The following CPQ variants were observed in gnomAD, a reference collection of about 807,000 sequenced individuals.
CPQ encodes the protein Ser-Met dipeptidase.
In CPQ, 37 loss-of-function variants were observed where a neutral mutation model predicts 45.7. The observed-to-expected ratio is 0.81, with a 90% CI of 0.62 to 1.07. The LOEUF is 1.07. Ranked by LOEUF, CPQ falls within the 50% of genes least tolerant of loss-of-function variation. CPQ has a pLI of 0.00. For missense variants in CPQ, 537 were observed against 572.9 expected (o/e 0.94, Z 0.64); for synonymous variants, 186 against 205.8 (o/e 0.90, Z 0.82).
chr8:97,068,484 T>C (rs1386516720), intron 7 of CPQ, among the ~76,000 whole-genome samples: 1 of 151,954 alleles, frequency 6.6e-6, no homozygotes, highest in Non-Finnish European at 1.5e-5. Flanking sequence ...AAATACAAAG[T>C]TAGCCGGATG....
chr8:96,898,049 A>G (rs1438817240), intron 4 of CPQ, among the ~76,000 whole-genome samples: 2 of 114,644 alleles, frequency 1.7e-5, no homozygotes, highest in Non-Finnish European at 4.0e-5. Flanking sequence ...AGGGCTTGAG[A>G]ACGTTGTTTT....
chr8:96,921,992 G>T (rs1347307778), intron 4 of CPQ, among the ~76,000 whole-genome samples: 1 of 152,110 alleles, frequency 6.6e-6, no homozygotes, highest in Non-Finnish European at 1.5e-5. Flanking sequence ...ATAAGTTCAT[G>T]TGTATTATAT....
At chr8:96,707,697 T>C (rs1023400590) in intron 1 of CPQ, among the ~76,000 whole-genome samples, 1 of 152,138 alleles carries the variant, frequency 6.6e-6, no homozygotes. Flanking sequence ...GAATGATTTT[T>C]TTTTTTGGCT....
chr8:97,050,670 C>T (rs1298340411), intron 6 of CPQ, among the ~76,000 whole-genome samples: 2 of 152,062 alleles, frequency 1.3e-5, no homozygotes, highest in Non-Finnish European at 2.9e-5. Context: ...TTGTGATCAG[C>T]CTGAGCAACG....
At position 97,090,538 on chromosome 8, in the gene CPQ, C is replaced by T. The variant is rs1586536328; in HGVS notation, c.1255+24328C>T. On this transcript the variant is annotated intron_variant, in intron 7 of 7. Transcript: ENST00000220763. ...CATTTCTATAAAGACATTGAGATAC[C>T]AGATTACATGTCATGTTTCTAAACC... Among the ~76,000 whole-genome samples, 4 of 152,142 alleles carry T rather than the reference C, an allele frequency of 2.6e-5. No individual in the cohort carries two copies. In the South Asian group the frequency reaches 8.3e-4, roughly 32 times the overall value.
At chr8:96,648,456 T>C (rs1397122992) in intron 1 of CPQ, among the ~76,000 whole-genome samples, 2 of 152,226 alleles carry the variant, frequency 1.3e-5, no homozygotes, top group African/African-American at 4.8e-5. Context: ...TTATTAGTTC[T>C]TTCTCTTTAT....
chr8:97,012,985 A>G (rs887247628), intron 5 of CPQ, among the ~76,000 whole-genome samples: 2 of 152,204 alleles, frequency 1.3e-5, no homozygotes, highest in African/African-American at 4.8e-5. Context: ...AAGAAATGCC[A>G]GTCCTATGTC....
chr8:96,965,476 TCTC>T (rs1489852963), intron 4 of CPQ, among the ~76,000 whole-genome samples: 1 of 150,910 alleles, frequency 6.6e-6, no homozygotes, highest in Admixed American at 6.6e-5. Context: ...TTCACACCAT[TCTC>T]CTGCCTCAGC....
At chr8:96,850,546 T>G (rs914358501) in intron 3 of CPQ, among the ~76,000 whole-genome samples, 3 of 151,856 alleles carry the variant, frequency 2.0e-5, no homozygotes, top group African/African-American at 7.3e-5. Flanking sequence ...GGCATTAAGG[T>G]GTTACACTGA....
In CPQ at chr8:96,931,729, A is replaced by G. The variant is rs143877765; in HGVS notation, c.850-34206A>G. Among the ~76,000 whole-genome samples, 112 of 152,262 alleles carry G rather than the reference A, an allele frequency of 7.4e-4. 1 individual carries two copies. The highest frequency in any genetic ancestry group is 2.6e-3 in the African/African-American group (110 of 41,574). On this transcript the variant is annotated intron_variant, in intron 4 of 7. Coordinates refer to ENST00000220763, the MANE Select transcript of CPQ (RefSeq NM_016134.4). ...TCTGAGTGTCTCAGACTTCGAGACT[A>G]TTGCTTTCTCCTCTGTTCCAATCTC...
intron 2 of CPQ, among the ~76,000 whole-genome samples, chr8:96,820,342 C>G (rs1445407173): frequency 6.6e-6 from 1 of 151,844 alleles, no homozygotes; most frequent in Non-Finnish European, 1.5e-5. Flanking sequence ...GATGGGGGCT[C>G]TTTTTCAAAA....
intron 5 of CPQ, among the ~76,000 whole-genome samples, chr8:96,995,220 G>T (rs980303861): frequency 6.6e-6 from 1 of 152,032 alleles, no homozygotes; most frequent in African/African-American, 2.4e-5. Context: ...ATACTTATAA[G>T]ATTGTTGTGA....
chr8:96,735,916 G>A (rs1408598713), intron 1 of CPQ, among the ~76,000 whole-genome samples: 2 of 151,830 alleles, frequency 1.3e-5, no homozygotes, highest in South Asian at 2.1e-4. Context: ...TCCCCTCTTC[G>A]CTGTCTTTCG....
intron 2 of CPQ, among the ~76,000 whole-genome samples, chr8:96,788,960 T>C (rs1810811733): frequency 6.6e-6 from 1 of 152,134 alleles, no homozygotes; most frequent in Non-Finnish European, 1.5e-5. Flanking sequence ...ACATTTAAAC[T>C]CCAGAACTTC....
chr8:97,128,157 A>C (rs1811878029), intron 7 of CPQ, among the ~76,000 whole-genome samples: 1 of 152,236 alleles, frequency 6.6e-6, no homozygotes, highest in Admixed American at 6.5e-5. Context: ...ACTGTTCTCT[A>C]GCTCTTTCCC....
intron 5 of CPQ, among the ~76,000 whole-genome samples, chr8:96,993,784 T>G (rs969194949): frequency 1.3e-5 from 2 of 152,156 alleles, no homozygotes; most frequent in Non-Finnish European, 2.9e-5. Flanking sequence ...TCAGGTATCA[T>G]AATTATGTAT....
At chr8:96,814,180 A>AT (rs570510500) in intron 2 of CPQ, among the ~76,000 whole-genome samples, 6 of 151,372 alleles carry the variant, frequency 4.0e-5, no homozygotes, top group African/African-American at 7.2e-5. Flanking sequence ...TTAGATTTTA[A>AT]TTTTTTTTTA....
At chr8:96,909,231 A>T (rs190481384) in intron 4 of CPQ, among the ~76,000 whole-genome samples, 17 of 151,998 alleles carry the variant, frequency 1.1e-4, no homozygotes, top group African/African-American at 4.1e-4. Context: ...AACCTCTGAT[A>T]TCATATGCAA....
At chr8:97,128,714 T>A (rs557180040) in intron 7 of CPQ, among the ~76,000 whole-genome samples, 1 of 152,188 alleles carries the variant, frequency 6.6e-6, no homozygotes, top group South Asian at 2.1e-4. Flanking sequence ...CAGAAAAAAC[T>A]TTCTCCTCAG....
Sources: allele counts gnomAD v4.1 joint callset (sites outside exome capture counted in the v4.1 genomes callset), GRCh38; gene constraint gnomAD v4.1.1; transcripts MANE v1.5; gene names NCBI Gene and HGNC (gene_info 2026-07-23, HGNC 2026-07-21).